RBFOX1: variants seen among roughly 807,000 people sequenced by gnomAD.
RBFOX1 encodes RNA binding protein fox-1 homolog 1.
A neutral mutation model predicts 57.7 loss-of-function variants in RBFOX1; 8 were observed. The observed-to-expected ratio is 0.14, with a 90% confidence interval of 0.08 to 0.25. The LOEUF (loss-of-function observed/expected upper bound fraction) is 0.25, where lower values mean the gene tolerates loss of function less well. Ranked by LOEUF, RBFOX1 falls within the 10% of genes least tolerant of loss-of-function variation. The probability of loss-of-function intolerance (pLI) is 1.00; values close to 1 mark genes in which losing one functional copy is unlikely to be tolerated. For missense variants in RBFOX1, 611 were observed against 548.5 expected (o/e 1.11, Z -1.14); for synonymous variants, 326 against 222.4 (o/e 1.47, Z -4.15).
At chr16:5,861,536 A>C (rs926470628) in intron 3 of RBFOX1, among the ~76,000 whole-genome samples, 1 of 152,206 alleles carries the variant, frequency 6.6e-6, no homozygotes, top group African/African-American at 2.4e-5. Flanking sequence ...GGACTCCTAC[A>C]TGAGAAAGGA....
At chr16:7,591,979 C>G (rs1249334381) in intron 7 of RBFOX1, among the ~76,000 whole-genome samples, 2 of 152,070 alleles carry the variant, frequency 1.3e-5, no homozygotes, top group African/African-American at 2.4e-5. Context: ...TGAGGTCTTT[C>G]TGGTTACATT....
intron 3 of RBFOX1, among the ~76,000 whole-genome samples, chr16:5,704,989 A>G (rs537674140): frequency 6.6e-6 from 1 of 152,232 alleles, no homozygotes; most frequent in East Asian, 1.9e-4. Context: ...ACATGTGTAG[A>G]TCATCTCTTC....
At chr16:6,710,744 A>C (rs777020638) in intron 3 of RBFOX1, among the ~76,000 whole-genome samples, 16 of 152,250 alleles carry the variant, frequency 1.1e-4, no homozygotes, top group Non-Finnish European at 2.2e-4. Flanking sequence ...GATGGCAGGA[A>C]AATGGCCCTT....
chr16:7,134,583 A>G (rs1419538277), intron 4 of RBFOX1, among the ~76,000 whole-genome samples: 2 of 152,104 alleles, frequency 1.3e-5, no homozygotes, highest in Non-Finnish European at 1.5e-5. Context: ...TAATTATATC[A>G]TTGATTTCCC....
intron 3 of RBFOX1, among the ~76,000 whole-genome samples, chr16:6,806,837 T>TATATATATA (rs1491107829): frequency 0.093 from 6,197 of 66,330 alleles, 221 homozygotes; most frequent in Non-Finnish European, 0.12. Flanking sequence ...TATATATATA[T>TATATATATA]TTTTTTTTTT....
At chr16:6,826,089 C>G (rs780258746) in intron 3 of RBFOX1, among the ~76,000 whole-genome samples, 6 of 152,150 alleles carry the variant, frequency 3.9e-5, no homozygotes, top group Non-Finnish European at 8.8e-5. Context: ...GCCCAGGTCT[C>G]CCGCTAGCTG....
chr16:6,147,134 T>C (rs553218094), intron 1 of RBFOX1, among the ~76,000 whole-genome samples: 66 of 152,300 alleles, frequency 4.3e-4, no homozygotes, highest in Non-Finnish European at 6.3e-4. Flanking sequence ...AAATACTTTG[T>C]TGAAGGGCCT....
chr16:7,087,867 A>T (rs1433214700), intron 4 of RBFOX1, among the ~76,000 whole-genome samples: 1 of 152,112 alleles, frequency 6.6e-6, no homozygotes, highest in Non-Finnish European at 1.5e-5. Flanking sequence ...GTGGGTAGGT[A>T]GTGTCTCTTC....
rs938186149 is a variant in RBFOX1 at position 7,191,865 on chromosome 16, A to G, written c.27+139767A>G. Among the ~76,000 whole-genome samples, 4 of 152,226 alleles carry G rather than the reference A, an allele frequency of 2.6e-5. 1 individual carries two copies. Among genetic ancestry groups the G allele is most frequent in the Non-Finnish European group, 5.9e-5 (4 of 68,040 alleles). ...TTGGTTTTATTAACCATCACCAGGC[A>G]ACTTTGAGGCAGAATGTAAGCCTTG... On this transcript the variant is annotated intron_variant, in intron 4 of 15. Transcript: ENST00000550418.
chr16:7,488,258 G>A (rs993540885), intron 4 of RBFOX1, among the ~76,000 whole-genome samples: 1 of 152,130 alleles, frequency 6.6e-6, no homozygotes, highest in South Asian at 2.1e-4. Flanking sequence ...TGTTGTTCTG[G>A]CATGGTGAAA....
At chr16:5,841,522 C>G (rs2056625751) in intron 3 of RBFOX1, among the ~76,000 whole-genome samples, 1 of 152,198 alleles carries the variant, frequency 6.6e-6, no homozygotes, top group Non-Finnish European at 1.5e-5. Flanking sequence ...TGCCCAGTAA[C>G]TTTTCAATAT....
intron 4 of RBFOX1, among the ~76,000 whole-genome samples, chr16:7,170,807 C>G (rs939918140): frequency 6.6e-6 from 1 of 152,178 alleles, no homozygotes; most frequent in Non-Finnish European, 1.5e-5. Context: ...AAGGTGGTGA[C>G]AGAGCTTCCA....
chr16:6,978,070 C>A (rs1396561384), intron 3 of RBFOX1, among the ~76,000 whole-genome samples: 1 of 151,658 alleles, frequency 6.6e-6, no homozygotes, highest in Non-Finnish European at 1.5e-5. Flanking sequence ...CCGTACCCCG[C>A]CCCCCTTCAT....
At chr16:5,563,656 G>C (rs917381823) in intron 2 of RBFOX1, among the ~76,000 whole-genome samples, 2 of 152,098 alleles carry the variant, frequency 1.3e-5, no homozygotes, top group African/African-American at 2.4e-5. Context: ...GATGATAGTA[G>C]TTTTTTAAAA....
chr16:7,188,730 G>A (rs2084556474), intron 4 of RBFOX1, among the ~76,000 whole-genome samples: 1 of 152,180 alleles, frequency 6.6e-6, no homozygotes, highest in Non-Finnish European at 1.5e-5. Context: ...TATATTTGGA[G>A]ATTCAGATAC....
At chr16:5,402,172 G>A (rs145541214) in intron 1 of RBFOX1, among the ~76,000 whole-genome samples, 1 of 152,142 alleles carries the variant, frequency 6.6e-6, no homozygotes, top group African/African-American at 2.4e-5. Context: ...GGGTCATGTG[G>A]AGAGGGACTC....
intron 3 of RBFOX1, among the ~76,000 whole-genome samples, chr16:6,982,686 A>T (rs932494323): frequency 5.3e-5 from 8 of 152,162 alleles, no homozygotes; most frequent in African/African-American, 1.4e-4. Flanking sequence ...ATTTACTGTT[A>T]TCTCATTTTG....
intron 4 of RBFOX1, among the ~76,000 whole-genome samples, chr16:7,166,680 C>T (rs1403876473): frequency 6.6e-6 from 1 of 152,096 alleles, no homozygotes; most frequent in Non-Finnish European, 1.5e-5. Context: ...CCATCTTTGC[C>T]CCAGTCTGCT....
At chr16:7,323,800 T>G (rs1357672664) in intron 4 of RBFOX1, among the ~76,000 whole-genome samples, 1 of 152,154 alleles carries the variant, frequency 6.6e-6, no homozygotes, top group East Asian at 1.9e-4. Flanking sequence ...GATGAAGATG[T>G]AGGAGGAAGG....
Sources: allele counts gnomAD v4.1 joint callset (sites outside exome capture counted in the v4.1 genomes callset), GRCh38; gene constraint gnomAD v4.1.1; transcripts MANE v1.5; gene names NCBI Gene and HGNC (gene_info 2026-07-23, HGNC 2026-07-21).